The following CSMD1 variants were observed in gnomAD, a reference collection of about 807,000 sequenced individuals.
CSMD1 encodes CUB and Sushi multiple domains 1.
Under a neutral mutation model 417.5 loss-of-function variants are expected in CSMD1, and 213 were observed. That is an observed-to-expected ratio of 0.51 (90% CI 0.46 to 0.57). The LOEUF (loss-of-function observed/expected upper bound fraction) is 0.57, where lower values mean the gene tolerates loss of function less well. Among genes scored for constraint, CSMD1 ranks in the 20% least tolerant of loss-of-function variants. CSMD1 has a pLI of 0.00. For missense variants in CSMD1, 6,923 were observed against 4,529.7 expected, an observed-to-expected ratio of 1.53 and a Z score of -15.17; for synonymous variants, 2,862 against 1,736.8, an observed-to-expected ratio of 1.65 and a Z score of -16.11.
intron 10 of CSMD1, among the ~76,000 whole-genome samples, chr8:3,569,035 G>A (rs919094600): frequency 2.0e-5 from 3 of 152,096 alleles, no homozygotes; most frequent in Admixed American, 1.3e-4. Flanking sequence ...ATTGTCAAAT[G>A]TGTCTACAAT....
At chr8:4,197,104 G>C (rs913931368) in intron 3 of CSMD1, among the ~76,000 whole-genome samples, 1 of 152,134 alleles carries the variant, frequency 6.6e-6, no homozygotes, top group African/African-American at 2.4e-5. Flanking sequence ...TGAAGACAAT[G>C]CAAAGTGTGT....
chr8:3,652,720 A>AC (rs1307610087), intron 7 of CSMD1, among the ~76,000 whole-genome samples: 4 of 151,956 alleles, frequency 2.6e-5, no homozygotes, highest in Non-Finnish European at 4.4e-5. Context: ...TCTCCAAGTG[A>AC]CCCCGCCCCT....
Position 3,172,719 on chromosome 8 carries a change from C to G in CSMD1, c.5725+8391G>C, listed in dbSNP as rs543841449. Among the ~76,000 whole-genome samples, 17 of 152,270 alleles carry G rather than the reference C, an allele frequency of 1.1e-4. No individual in the cohort carries two copies. In the South Asian group the frequency reaches 3.1e-3, roughly 28 times the overall value. ...GAGGTGGGAGGAAGGCCCACATGCA[C>G]TCTGTGAAGGTCATTCCTAAAGAAA... On this transcript the variant is annotated intron_variant, in intron 37 of 69. Transcript: ENST00000635120.
intron 1 of CSMD1, among the ~76,000 whole-genome samples, chr8:4,917,037 G>C (rs1021720804): frequency 6.6e-6 from 1 of 152,130 alleles, no homozygotes; most frequent in African/African-American, 2.4e-5. Flanking sequence ...GGTAATTTTT[G>C]AAGAAGAGAG....
intron 3 of CSMD1, among the ~76,000 whole-genome samples, chr8:4,083,627 T>G (rs1800261694): frequency 6.6e-6 from 1 of 152,150 alleles, no homozygotes; most frequent in South Asian, 2.1e-4. Flanking sequence ...CTGGGAAAAC[T>G]GGCTAGCCAT....
At chr8:4,769,000 A>C (rs1211784458) in intron 1 of CSMD1, among the ~76,000 whole-genome samples, 1 of 152,136 alleles carries the variant, frequency 6.6e-6, no homozygotes, top group Non-Finnish European at 1.5e-5. Context: ...TGAAGAAGAG[A>C]CCAATATACC....
chr8:3,481,868 T>G (rs1817767772), intron 11 of CSMD1, among the ~76,000 whole-genome samples: 2 of 152,214 alleles, frequency 1.3e-5, no homozygotes, highest in South Asian at 4.1e-4. Flanking sequence ...AAAACCTGAC[T>G]TGGACTTCTG....
intron 26 of CSMD1, among the ~76,000 whole-genome samples, chr8:3,239,829 G>C (rs1188403821): frequency 6.6e-6 from 1 of 152,146 alleles, no homozygotes. Flanking sequence ...ATGTCAGATG[G>C]ATCAGAGAGT....
rs28455997 is a variant in CSMD1, at chr8:3,219,437, T to C, written c.4490A>G (p.Asn1497Ser). Residue 1497 changes from asparagine (N) to serine (S), a missense_variant, in exon 29 of 70, where the codon AAC (asparagine) becomes AGC (serine). Physicochemically the swap from Asn to Ser is conservative, Grantham distance 46 (BLOSUM62 1). Transcript: ENST00000635120. ...TAGGAAGTCATAGCTGGGCTCCATG[T>C]TGAAACTAAAGAAAAGAATAGTAAT... ...FVIALIFKSF[N>S]MEPSYDFLHI... 0.13 allele frequency: 190,215 copies of C among 1,480,760 alleles called. 13,111 individuals are homozygous for C. The highest frequency in any genetic ancestry group is 0.18 in the Admixed American group (6,782 of 37,334). The allele number at this position is 1,480,760 out of a possible 1,614,324, so 91.7% of individuals were successfully genotyped here.
chr8:4,020,526 G>A (rs958897380), intron 4 of CSMD1, among the ~76,000 whole-genome samples: 5 of 152,152 alleles, frequency 3.3e-5, no homozygotes, highest in African/African-American at 9.7e-5. Flanking sequence ...TTCTGGATGG[G>A]TGAACATCTC....
intron 3 of CSMD1, among the ~76,000 whole-genome samples, chr8:4,350,848 T>C (rs762632621): frequency 2.6e-5 from 4 of 152,218 alleles, no homozygotes; most frequent in Non-Finnish European, 4.4e-5. Context: ...GGAGACACTA[T>C]CTGCCAGTGG....
intron 3 of CSMD1, among the ~76,000 whole-genome samples, chr8:4,396,693 C>A (rs182636523): frequency 1.3e-5 from 2 of 152,096 alleles, no homozygotes; most frequent in Non-Finnish European, 2.9e-5. Context: ...GAATACCGAT[C>A]AGCCATAAAA....
At chr8:3,877,846 C>G (rs189430673) in intron 5 of CSMD1, among the ~76,000 whole-genome samples, 2 of 152,064 alleles carry the variant, frequency 1.3e-5, no homozygotes, top group East Asian at 3.9e-4. Flanking sequence ...TAAATTTTGT[C>G]TAATAATGAC....
intron 10 of CSMD1, among the ~76,000 whole-genome samples, chr8:3,559,411 T>C (rs913784297): frequency 2.0e-5 from 3 of 152,128 alleles, no homozygotes; most frequent in Admixed American, 2.0e-4. Flanking sequence ...ATAAAGTTCA[T>C]CTGGGAATAT....
intron 5 of CSMD1, among the ~76,000 whole-genome samples, chr8:3,942,057 G>A (rs762456841): frequency 2.6e-5 from 4 of 151,866 alleles, no homozygotes; most frequent in African/African-American, 9.7e-5. Context: ...ATTGTGAATT[G>A]GGCATGCAAG....
chr8:3,502,087 G>T (rs745470621), intron 10 of CSMD1, among the ~76,000 whole-genome samples: 1 of 152,110 alleles, frequency 6.6e-6, no homozygotes, highest in Non-Finnish European at 1.5e-5. Context: ...AACACCAACA[G>T]CTAAAAACGT....
At chr8:3,215,450 C>A (rs1322738633) in intron 29 of CSMD1, among the ~76,000 whole-genome samples, 1 of 152,136 alleles carries the variant, frequency 6.6e-6, no homozygotes, top group Non-Finnish European at 1.5e-5. Flanking sequence ...TTGTTTAATT[C>A]TAATCTCCAG....
At chr8:3,318,678 C>T (rs533972070) in intron 23 of CSMD1, among the ~76,000 whole-genome samples, 3 of 152,190 alleles carry the variant, frequency 2.0e-5, no homozygotes, top group South Asian at 2.1e-4. Context: ...AGGTGCATGA[C>T]GAGAGTAAGA....
At chr8:3,985,803 T>G (rs1033612351) in intron 5 of CSMD1, among the ~76,000 whole-genome samples, 1 of 151,340 alleles carries the variant, frequency 6.6e-6, no homozygotes, top group Non-Finnish European at 1.5e-5. Flanking sequence ...TCGCCCAGAT[T>G]GGACAGGGTG....
Sources: allele counts gnomAD v4.1 joint callset (sites outside exome capture counted in the v4.1 genomes callset), GRCh38; gene constraint gnomAD v4.1.1; transcripts MANE v1.5; gene names NCBI Gene and HGNC (gene_info 2026-07-23, HGNC 2026-07-21).